XIST: variants seen among roughly 807,000 people sequenced by gnomAD.
The protein encoded by XIST is X inactive specific transcript.
chrX:73,852,017 A>C (rs1922956420), exon 1 of XIST: 3 of 557,027 alleles, frequency 5.4e-6, no homozygotes, highest in East Asian at 6.5e-5. Flanking sequence ...GATGAAAAAA[A>C]AAAATCAAAG....
At chrX:73,844,027 T>C (rs755609006) in exon 1 of XIST, 2 of 556,154 alleles carry the variant, frequency 3.6e-6, no homozygotes, top group African/African-American at 2.3e-5. Flanking sequence ...AGTGATAGGG[T>C]TGTGGACAAC....
At chrX:73,848,967 T>C (rs1569512769) in exon 1 of XIST, 3 of 558,233 alleles carry the variant, frequency 5.4e-6, no homozygotes, top group Non-Finnish European at 9.7e-6. Context: ...TATCCATTAA[T>C]ATTCCAAGGG....
chrX:73,849,897 G>GT (rs1922870923), exon 1 of XIST: 1 of 514,816 alleles, frequency 1.9e-6, no homozygotes, highest in East Asian at 3.5e-5. Flanking sequence ...CGGGGTGGGA[G>GT]TAGGGCTGGG....
At chrX:73,824,141 T>C (rs756278404) in exon 6 of XIST, 5 of 522,750 alleles carry the variant, frequency 9.6e-6, no homozygotes, top group Non-Finnish European at 1.4e-5. Context: ...ATTTTACACA[T>C]ATTTTCTTCT....
chrX:73,848,412 A>G lies in XIST; in HGVS notation n.4312T>C, dbSNP rs1265767764. On this transcript the variant is annotated non_coding_transcript_exon_variant, in exon 1 of 6. Transcript: ENST00000429829. Reference sequence around the variant, plus strand: ...TAATCAATTAGGATTGTGCACATAAACTGTCCTAGTACAGAGGTCTTGAGT... The same window carrying G: ...TAATCAATTAGGATTGTGCACATAAGCTGTCCTAGTACAGAGGTCTTGAGT... The G allele has an allele frequency of 5.4e-6, 3 of 554,937 alleles. No individual in the cohort carries two copies. The African/African-American group carries it at 6.7e-5, about 12-fold the overall frequency. The allele number at this position is 554,937 out of a possible 1,213,427, so 45.7% of individuals were successfully genotyped here. A position where few individuals can be genotyped will look rare whatever the true frequency, so the allele number is the denominator to read the frequency against.
chrX:73,849,159 T>G (rs1296396453), exon 1 of XIST: 1 of 559,182 alleles, frequency 1.8e-6, no homozygotes, highest in Admixed American at 2.2e-5. Context: ...GTCTTCATGA[T>G]TAATGGGTGA....
exon 1 of XIST, chrX:73,851,447 A>C: frequency 1.8e-6 from 1 of 559,078 alleles, no homozygotes; most frequent in Non-Finnish European, 3.2e-6. Flanking sequence ...GCCCATCATG[A>C]TGTGGCCTTC....
At chrX:73,847,597 A>AAGATATTAGCTTGATATAAAAGCT (rs1252054205) in exon 1 of XIST, 5 of 512,961 alleles carry the variant, frequency 9.7e-6, no homozygotes, top group Admixed American at 2.7e-5. Context: ...CTGAGAAGTC[A>AAGATATTAGCTTGATATAAAAGCT]AGATATTAGC....
chrX:73,851,664 GCTC>G, exon 1 of XIST: 1 of 558,866 alleles, frequency 1.8e-6, no homozygotes, highest in Non-Finnish European at 3.2e-6. Context: ...ATCACGCAAA[GCTC>G]CTAACAAGCC....
chrX:73,847,162 A>G (rs755257553), exon 1 of XIST: 3 of 559,317 alleles, frequency 5.4e-6, no homozygotes, highest in Non-Finnish European at 9.7e-6. Flanking sequence ...GTAAAAAAGT[A>G]CAGCAGCAAA....
At chrX:73,825,894 G>A (rs956366472) in exon 6 of XIST, 1 of 557,429 alleles carries the variant, frequency 1.8e-6, no homozygotes, top group Non-Finnish European at 3.2e-6. Flanking sequence ...AAAAAATCAA[G>A]GAAAGTATTA....
In XIST at chrX:73,836,739, G is replaced by T. The variant is rs986096574; in HGVS notation, n.11406+701C>A. 1.6e-4 allele frequency among the ~76,000 whole-genome samples: 18 copies of T among 110,966 alleles called. 1 individual carries two copies. The highest frequency in any genetic ancestry group is 1.3e-4 in the African/African-American group (4 of 30,559). On this transcript the variant is annotated intron_variant and non_coding_transcript_variant, in intron 2 of 5. Transcript: ENST00000429829. ...TTACTCTCCAATAAAAAGTATCAAG[G>T]CTCCTTGCAGAAATACATCATTTTA...
rs750726651 is a variant in XIST, at chrX:73,843,684, T to G, written n.9040A>C. On this transcript the variant is annotated non_coding_transcript_exon_variant, in exon 1 of 6. Transcript: ENST00000429829. ...AGCAAAGGTGGTACAGGAACATGCT[T>G]AGAGAATTGAGTTTGTGCACATGAA... is the stretch of plus-strand genomic sequence containing the variant. 5.4e-6 allele frequency: 3 copies of G among 558,414 alleles called. No homozygotes were observed. In the East Asian group the frequency reaches 9.7e-5, roughly 18 times the overall value. The allele number at this position is 558,414 out of a possible 1,213,427, so 46.0% of individuals were successfully genotyped here. A position where few individuals can be genotyped will look rare whatever the true frequency, so the allele number is the denominator to read the frequency against.
At chrX:73,842,282 G>T (rs750405788) in exon 1 of XIST, 4 of 550,767 alleles carry the variant, frequency 7.3e-6, no homozygotes, top group Non-Finnish European at 1.3e-5. Flanking sequence ...CAGGCAATCT[G>T]CTCTGGAAAG....
At chrX:73,834,993 C>CA (rs60685637) in intron 2 of XIST, among the ~76,000 whole-genome samples, 1,755 of 75,531 alleles carry the variant, frequency 0.023, 42 homozygotes, top group African/African-American at 0.071. Context: ...AACTCCGTCT[C>CA]AAAAAAAAAA....
exon 6 of XIST, chrX:73,821,055 TTTC>T (rs770088408): frequency 6.0e-4 from 336 of 557,612 alleles, no homozygotes; most frequent in Non-Finnish European, 9.6e-4. Context: ...TTTTAGTTAC[TTTC>T]TTCTTTCCAT....
chrX:73,826,819 A>G (rs757875179), exon 6 of XIST: 7 of 556,217 alleles, frequency 1.3e-5, no homozygotes, highest in African/African-American at 4.5e-5. Flanking sequence ...TCTTCCAGCT[A>G]CAACCCTGGG....
exon 1 of XIST, chrX:73,844,001 G>T: frequency 1.8e-6 from 1 of 558,736 alleles, no homozygotes; most frequent in Non-Finnish European, 3.2e-6. Flanking sequence ...TGCAAAAGAG[G>T]TATAATGGTC....
chrX:73,830,372 T>C (rs769722443), intron 4 of XIST, among the ~76,000 whole-genome samples: 52 of 111,891 alleles, frequency 4.6e-4, no homozygotes, highest in Non-Finnish European at 7.1e-4. Context: ...ATGAAATTTA[T>C]AGCTACCCAC....
Sources: gnomAD v4.1 joint callset for allele counts (sites outside exome capture counted in the v4.1 genomes callset) on GRCh38, gnomAD v4.1.1 for gene constraint, MANE v1.5 for transcripts, NCBI Gene and HGNC (gene_info 2026-07-23, HGNC 2026-07-21) for gene names.